The following GCM1 variants were observed in gnomAD, a reference collection of about 807,000 sequenced individuals.
GCM1 encodes chorion-specific transcription factor GCMa.
Under a neutral mutation model 25.7 loss-of-function variants are expected in GCM1, and 2 were observed. The observed-to-expected ratio is 0.08, with a 90% confidence interval of 0.03 to 0.24. GCM1 has a LOEUF of 0.24. GCM1 is among the 10% of genes least tolerant of loss of function. GCM1 has a pLI of 1.00. For missense variants in GCM1, 395 were observed against 538.7 expected (o/e 0.73, Z 2.64); for synonymous variants, 183 against 195.7 (o/e 0.94, Z 0.54).
chr6:53,134,083 T>C lies in GCM1; in HGVS notation c.317A>G (p.Gln106Arg), dbSNP rs1383768894. The stretch of plus-strand genomic sequence containing the variant: ...TAAGCTCTACTCACGCTGCTGCTTC[T>C]GCCGGGCCTTGTCACAGATGGCAGG... Reference protein sequence around the residue: ...LRPAICDKARQKQQRKRCPNC... With the variant: ...LRPAICDKARRKQQRKRCPNC... Residue 106 changes from glutamine (Q) to arginine (R), a missense_variant, in exon 3 of 6, where the codon CAG becomes CGG. By Grantham distance (43) the Gln-to-Arg change is conservative. Transcript: ENST00000259803. 6.2e-7 allele frequency: 1 copy of C among 1,614,000 alleles called. No homozygotes were observed. The highest frequency in any genetic ancestry group is 1.7e-5 in the Admixed American group (1 of 60,002).
intron 2 of GCM1, among the ~76,000 whole-genome samples, chr6:53,136,985 A>G (rs1439567331): frequency 6.7e-6 from 1 of 149,746 alleles, no homozygotes; most frequent in Non-Finnish European, 1.5e-5. Context: ...TCAATAAAAA[A>G]AAAAAGAAAA....
intron 5 of GCM1, among the ~76,000 whole-genome samples, chr6:53,130,252 C>A (rs1036599771): frequency 2.0e-5 from 3 of 152,016 alleles, no homozygotes; most frequent in Admixed American, 6.6e-5. Flanking sequence ...CAGACAAATG[C>A]AAAAAAACCT....
At chr6:53,145,880 A>G in intron 1 of GCM1, 112 bp from the exon 2 acceptor site, 1 of 423,732 alleles carries the variant, frequency 2.4e-6, no homozygotes, top group South Asian at 3.5e-5. Context: ...GTACCAACAT[A>G]CTAGTAAAAA....
intron 5 of GCM1, among the ~76,000 whole-genome samples, chr6:53,130,334 A>G (rs1238144777): frequency 6.6e-6 from 1 of 152,152 alleles, no homozygotes; most frequent in Non-Finnish European, 1.5e-5. Flanking sequence ...CCACTCCACT[A>G]TTGCCACCCT....
chr6:53,145,006 AAAAG>A (rs1184604061), intron 2 of GCM1, among the ~76,000 whole-genome samples: 101 of 151,858 alleles, frequency 6.7e-4, no homozygotes, highest in African/African-American at 2.1e-3. Context: ...AAGAAAGAAA[AAAAG>A]AAAGAAAGAA....
At chr6:53,141,999 T>TGG (rs1255044610) in intron 2 of GCM1, among the ~76,000 whole-genome samples, 2 of 15,470 alleles carry the variant, frequency 1.3e-4, no homozygotes, top group Non-Finnish European at 2.9e-4. Flanking sequence ...AGTGAGACCC[T>TGG]GAAAAAAAAA....
At chr6:53,134,010 C>T in intron 3 of GCM1, 62 bp downstream of exon 3, 1 of 1,498,956 alleles carries the variant, frequency 6.7e-7, no homozygotes, top group Non-Finnish European at 9.1e-7. Flanking sequence ...CACAGTGACC[C>T]ATCTGGCAGG....
intron 3 of GCM1, 32 bp downstream of exon 3, chr6:53,134,040 C>CT: frequency 6.2e-7 from 1 of 1,603,244 alleles, no homozygotes; most frequent in Non-Finnish European, 8.5e-7. Context: ...GGGATGCCAG[C>CT]TTTTTTGCTG....
At chr6:53,133,346 T>TGC (rs1763752795) in intron 3 of GCM1, among the ~76,000 whole-genome samples, 2 of 151,228 alleles carry the variant, frequency 1.3e-5, no homozygotes, top group Admixed American at 1.3e-4. Flanking sequence ...TGTGTGTGTG[T>TGC]GTGTGTGTGT....
At chr6:53,139,867 T>A (rs556162955) in intron 2 of GCM1, among the ~76,000 whole-genome samples, 184 of 152,012 alleles carry the variant, frequency 1.2e-3, no homozygotes, top group Non-Finnish European at 1.4e-3. Flanking sequence ...TCTAAAAAAA[T>A]AAATAAATAA....
At position 53,130,821 on chromosome 6, in the gene GCM1, C is replaced by G. The variant is rs778431776; in HGVS notation, c.552G>C (p.Lys184Asn). The G allele has an allele frequency of 2.5e-6, 4 of 1,613,808 alleles. No individual in the cohort carries two copies. The part of the protein sequence containing the change: ...TAPSSVSLSL[K>N]GSTETRSLPG... ...GGATTACCCTGGTCTCTGTGCTCCC[C>G]TTCAGGCTCAATGAGACGGAGGAAG... Residue 184 changes from lysine to asparagine, a missense_variant, in exon 5 of 6, where the codon AAG becomes AAC. By Grantham distance (94) the Lys-to-Asn change is moderately conservative. This residue lies in a region of GCM1 where 291 missense variants were observed against 314.6 expected (regional missense o/e 0.92). Coordinates refer to ENST00000259803, the MANE Select transcript of GCM1 (RefSeq NM_003643.4).
chr6:53,145,892 CAA>C (rs1763947779), intron 1 of GCM1, 124 bp from the exon 2 acceptor site: 1 of 398,056 alleles, frequency 2.5e-6, no homozygotes, highest in East Asian at 5.1e-5. Context: ...TAGTAAAAAA[CAA>C]AACATAGGAG....
At chr6:53,138,127 C>T (rs1274234349) in intron 2 of GCM1, among the ~76,000 whole-genome samples, 2 of 151,854 alleles carry the variant, frequency 1.3e-5, no homozygotes, top group Non-Finnish European at 2.9e-5. Flanking sequence ...ATCAAAAATA[C>T]AAAAATTAGC....
At chr6:53,148,154 C>G (rs1763991537) in intron 1 of GCM1, among the ~76,000 whole-genome samples, 1 of 152,166 alleles carries the variant, frequency 6.6e-6, no homozygotes, top group African/African-American at 2.4e-5. Context: ...CAAATTGACT[C>G]TAATTCAAAG....
At chr6:53,140,722 T>C (rs938646886) in intron 2 of GCM1, among the ~76,000 whole-genome samples, 2 of 152,094 alleles carry the variant, frequency 1.3e-5, no homozygotes, top group Non-Finnish European at 2.9e-5. Context: ...ACAGAGTGGA[T>C]ATTCTCCTCT....
chr6:53,142,617 G>A (rs11759671), intron 2 of GCM1, among the ~76,000 whole-genome samples: 1,659 of 152,230 alleles, frequency 0.011, 12 homozygotes, highest in Middle Eastern at 0.024. Context: ...TTCTACAGGA[G>A]GTAACTAAGA....
intron 2 of GCM1, among the ~76,000 whole-genome samples, chr6:53,143,168 GA>G (rs1763905101): frequency 6.6e-6 from 1 of 152,186 alleles, no homozygotes; most frequent in Non-Finnish European, 1.5e-5. Flanking sequence ...TAACAAATTG[GA>G]AGACAGCTAT....
chr6:53,143,836 G>A (rs1442965169), intron 2 of GCM1, among the ~76,000 whole-genome samples: 1 of 151,744 alleles, frequency 6.6e-6, no homozygotes, highest in African/African-American at 2.4e-5. Context: ...GGTGGTGAGA[G>A]GGGTAGAGGG....
chr6:53,146,197 TA>T (rs1581857259), intron 1 of GCM1, among the ~76,000 whole-genome samples: 2 of 46,572 alleles, frequency 4.3e-5, no homozygotes, highest in East Asian at 1.9e-3. Context: ...ATATGTTTTA[TA>T]TATATATATA....
Sources: gnomAD v4.1 joint callset for allele counts (sites outside exome capture counted in the v4.1 genomes callset) on GRCh38, gnomAD v4.1.1 for gene constraint, gnomAD v4.1.1 regional missense constraint, MANE v1.5 for transcripts, NCBI Gene and HGNC (gene_info 2026-07-23, HGNC 2026-07-21) for gene names.